Variants in STRADB observed in about 807,000 individuals in gnomAD.
The protein encoded by STRADB is STE20 related adaptor beta, also known as STE20-related kinase adapter protein beta.
STRADB carries 34 observed loss-of-function variants against 52.1 expected under a neutral mutation model. The ratio of observed to expected loss-of-function variants is 0.65; its 90% CI spans 0.50 to 0.87. The LOEUF is 0.87. Among genes scored for constraint, STRADB ranks in the 40% least tolerant of loss-of-function variants. The pLI is 0.00. For missense variants in STRADB, 340 were observed against 483.9 expected (o/e 0.70, Z 2.79); for synonymous variants, 133 against 174.5 (o/e 0.76, Z 1.87).
At chr2:201,470,389 T>A (rs908046298) in intron 4 of STRADB, among the ~76,000 whole-genome samples, 1 of 152,246 alleles carries the variant, frequency 6.6e-6, no homozygotes, top group African/African-American at 2.4e-5. Context: ...CATCTAAATC[T>A]TTTCAGTCAC....
chr2:201,456,990 G>A (rs528598830), intron 2 of STRADB, among the ~76,000 whole-genome samples: 6 of 152,250 alleles, frequency 3.9e-5, no homozygotes, highest in East Asian at 3.9e-4. Flanking sequence ...TCACGTAGGC[G>A]TGCTCTGCTA....
At chr2:201,472,572 C>A (rs1952406849) in intron 4 of STRADB, among the ~76,000 whole-genome samples, 1 of 152,152 alleles carries the variant, frequency 6.6e-6, no homozygotes, top group South Asian at 2.1e-4. Context: ...TTGCCAGGGA[C>A]TGGGAGTGGG....
intron 3 of STRADB, among the ~76,000 whole-genome samples, chr2:201,468,067 G>T: frequency 8.0e-6 from 1 of 125,602 alleles, no homozygotes; most frequent in East Asian, 2.3e-4. Context: ...ATGATTGTGA[G>T]TCCTGCCTTT....
intron 2 of STRADB, among the ~76,000 whole-genome samples, chr2:201,458,260 AAAGT>A (rs1409039582): frequency 3.3e-5 from 5 of 152,238 alleles, no homozygotes; most frequent in Admixed American, 2.0e-4. Context: ...TGCGATAATA[AAAGT>A]AAGTCTCTTT....
intron 3 of STRADB, among the ~76,000 whole-genome samples, chr2:201,465,001 C>G (rs1348425577): frequency 6.6e-6 from 1 of 152,194 alleles, no homozygotes; most frequent in African/African-American, 2.4e-5. Context: ...AGTGGGCTAC[C>G]CTTTAGCCCA....
chr2:201,464,728 C>A (rs1026674774), intron 3 of STRADB, among the ~76,000 whole-genome samples: 7 of 152,286 alleles, frequency 4.6e-5, no homozygotes, highest in African/African-American at 1.4e-4. Flanking sequence ...TTCTGGGAGC[C>A]AGGGCCATGG....
intron 2 of STRADB, 76 bp from the exon 3 acceptor site, chr2:201,458,708 C>A: frequency 7.4e-7 from 1 of 1,353,574 alleles, no homozygotes; most frequent in South Asian, 1.3e-5. Flanking sequence ...GTCATTAGAC[C>A]TTTTTGTATC....
chr2:201,477,795 G>GGTGTGGCC lies in STRADB; in HGVS notation c.720+8_720+15dup. On this transcript the variant is annotated splice_donor_region_variant and intron_variant, in intron 8 of 11. Coordinates refer to ENST00000194530, the MANE Select transcript of STRADB (RefSeq NM_018571.6). ...AGTCCAGAACTACTGAGACAGGTCA[G>GGTGTGGCC]GTGTGGCCGTTGGATTGGGTTGTCT... is the stretch of plus-strand genomic sequence containing the variant. 1 of 1,609,312 alleles carries GGTGTGGCC rather than the reference G, an allele frequency of 6.2e-7. No individual in the cohort carries two copies. Among genetic ancestry groups the GGTGTGGCC allele is most frequent in the South Asian group, 1.1e-5 (1 of 90,986 alleles).
intron 4 of STRADB, among the ~76,000 whole-genome samples, chr2:201,471,574 T>C (rs1952389406): frequency 6.6e-6 from 1 of 152,214 alleles, no homozygotes; most frequent in African/African-American, 2.4e-5. Context: ...CTCTGAGTCA[T>C]ACAGTTAGTG....
At position 201,453,880 on chromosome 2, in the gene STRADB, C is replaced by T. The variant is rs548908297; in HGVS notation, c.-95-866C>T. Among the ~76,000 whole-genome samples, 6 of 152,212 alleles carry T rather than the reference C, an allele frequency of 3.9e-5. No homozygotes were observed. In the East Asian group the frequency reaches 7.7e-4, roughly 20 times the overall value. On this transcript the variant is annotated intron_variant, in intron 1 of 11. Transcript: ENST00000194530. ...GCTAAATGATCACAGCCTTTCAGGT[C>T]CGTCTTCCTCCCAATCTCTACCTTT...
chr2:201,455,521 C>T (rs1952115136), intron 2 of STRADB, among the ~76,000 whole-genome samples: 1 of 152,094 alleles, frequency 6.6e-6, no homozygotes, highest in Non-Finnish European at 1.5e-5. Context: ...CAACACCAGC[C>T]TAGGCAACAT....
chr2:201,463,984 T>C (rs1211880521), intron 3 of STRADB, among the ~76,000 whole-genome samples: 1 of 152,200 alleles, frequency 6.6e-6, no homozygotes, highest in African/African-American at 2.4e-5. Context: ...ATTCCTTCTC[T>C]GTGTTATCTT....
intron 3 of STRADB, among the ~76,000 whole-genome samples, chr2:201,468,561 T>C (rs1952341325): frequency 6.6e-6 from 1 of 152,218 alleles, no homozygotes; most frequent in African/African-American, 2.4e-5. Context: ...TAAAACAACC[T>C]GTTTAGAGCT....
At chr2:201,466,280 C>T (rs1041640827) in intron 3 of STRADB, among the ~76,000 whole-genome samples, 1 of 152,206 alleles carries the variant, frequency 6.6e-6, no homozygotes, top group African/African-American at 2.4e-5. Flanking sequence ...TCACAGCTGC[C>T]ACCTGAATCC....
intron 2 of STRADB, among the ~76,000 whole-genome samples, chr2:201,458,538 G>A (rs1403277503): frequency 6.6e-6 from 1 of 152,174 alleles, no homozygotes. Flanking sequence ...AAGAGGGCAA[G>A]GATCAGTGAT....
At chr2:201,453,296 A>G (rs1952078570) in intron 1 of STRADB, among the ~76,000 whole-genome samples, 1 of 152,208 alleles carries the variant, frequency 6.6e-6, no homozygotes, top group Non-Finnish European at 1.5e-5. Context: ...GCTGACATTG[A>G]GTGAAAAAAG....
chr2:201,468,365 T>G (rs1316424927), intron 3 of STRADB, among the ~76,000 whole-genome samples: 1 of 152,200 alleles, frequency 6.6e-6, no homozygotes, highest in Non-Finnish European at 1.5e-5. Flanking sequence ...ATTCACCTAT[T>G]GAATAATTTG....
At chr2:201,464,278 G>A (rs1365027587) in intron 3 of STRADB, among the ~76,000 whole-genome samples, 1 of 151,860 alleles carries the variant, frequency 6.6e-6, no homozygotes. Flanking sequence ...CTAAGTCTTT[G>A]GTCACTGTAA....
chr2:201,468,287 A>T (rs1233929953), intron 3 of STRADB, among the ~76,000 whole-genome samples: 6 of 151,934 alleles, frequency 3.9e-5, no homozygotes, highest in Non-Finnish European at 8.8e-5. Flanking sequence ...TTAGTTTGGG[A>T]TGATTTACTC....
Sources: allele counts gnomAD v4.1 joint callset (sites outside exome capture counted in the v4.1 genomes callset), GRCh38; gene constraint gnomAD v4.1.1; transcripts MANE v1.5; gene names NCBI Gene and HGNC (gene_info 2026-07-23, HGNC 2026-07-21).